DIAPH1: variants seen among roughly 807,000 people sequenced by gnomAD.
DIAPH1 encodes protein diaphanous homolog 1.
A neutral mutation model predicts 140.7 loss-of-function variants in DIAPH1; 46 were observed. The ratio of observed to expected loss-of-function variants is 0.33; its 90% CI spans 0.26 to 0.42. The LOEUF is 0.42. Among genes scored for constraint, DIAPH1 ranks in the 10% least tolerant of loss-of-function variants. The probability of loss-of-function intolerance (pLI) is 1.00; values close to 1 mark genes in which losing one functional copy is unlikely to be tolerated. For missense variants in DIAPH1, 1,310 were observed against 1,558.7 expected, an observed-to-expected ratio of 0.84 and a Z score of 2.69; for synonymous variants, 565 against 551.6, an observed-to-expected ratio of 1.02 and a Z score of -0.34.
intron 2 of DIAPH1, chr5:141,587,528 G>T: frequency 3.1e-6 from 1 of 317,668 alleles, no homozygotes; most frequent in Non-Finnish European, 5.9e-6. Context: ...TCATGACAGA[G>T]TTCTATCAAT....
intron 18 of DIAPH1, among the ~76,000 whole-genome samples, chr5:141,549,549 G>A (rs143349972): frequency 6.6e-6 from 1 of 152,212 alleles, no homozygotes; most frequent in African/African-American, 2.4e-5. Context: ...TAACTGACAT[G>A]TTAGAACAAT....
intron 18 of DIAPH1, among the ~76,000 whole-genome samples, chr5:141,537,943 G>A (rs2099889312): frequency 6.6e-6 from 1 of 152,182 alleles, no homozygotes; most frequent in African/African-American, 2.4e-5. Flanking sequence ...CCAGGCTGGA[G>A]TGCAGTGGCT....
At position 141,577,646 on chromosome 5, in the gene DIAPH1, G is replaced by A. The variant is rs1596383118; in HGVS notation, c.1164-55C>T. 5.1e-6 allele frequency: 6 copies of A among 1,169,000 alleles called. 1 individual carries two copies. In the South Asian group the frequency reaches 6.1e-5, roughly 12 times the overall value. The allele number at this position is 1,169,000 out of a possible 1,614,324, so 72.4% of individuals were successfully genotyped here. On this transcript the variant is annotated intron_variant, in intron 11 of 27. Transcript: ENST00000389054. Reference sequence around the variant, plus strand: ...AAATATGCAGAAATTATGTTTGACAGGTGGCTTATTTAACTCTTGAAAAAG... The same window carrying A: ...AAATATGCAGAAATTATGTTTGACAAGTGGCTTATTTAACTCTTGAAAAAG...
At chr5:141,535,672 T>G (rs2099888897) in intron 18 of DIAPH1, among the ~76,000 whole-genome samples, 1 of 152,224 alleles carries the variant, frequency 6.6e-6, no homozygotes, top group Admixed American at 6.5e-5. Flanking sequence ...ATGCTGGCTA[T>G]CCAAGGAGGG....
intron 14 of DIAPH1, among the ~76,000 whole-genome samples, chr5:141,575,488 A>G (rs953538632): frequency 2.6e-5 from 4 of 152,106 alleles, no homozygotes; most frequent in Non-Finnish European, 1.5e-5. Context: ...GCCTCTACCA[A>G]AAATACAAAA....
At chr5:141,540,019 A>AC (rs1298384735) in intron 18 of DIAPH1, among the ~76,000 whole-genome samples, 1 of 151,500 alleles carries the variant, frequency 6.6e-6, no homozygotes, top group East Asian at 1.9e-4. Flanking sequence ...AGGTTAGGTT[A>AC]TTGATTTGAG....
intron 18 of DIAPH1, among the ~76,000 whole-genome samples, chr5:141,538,314 C>T (rs2099889395): frequency 1.3e-5 from 2 of 151,716 alleles, no homozygotes; most frequent in Admixed American, 1.3e-4. Context: ...CCCGCCTCGG[C>T]CTCCCAAAGA....
intron 23 of DIAPH1, 97 bp downstream of exon 23, chr5:141,528,356 T>C (rs2099887704): frequency 7.7e-6 from 12 of 1,552,002 alleles, no homozygotes; most frequent in East Asian, 4.5e-5. Flanking sequence ...CCACTTGAAA[T>C]AGTCTGAACT....
At chr5:141,580,211 G>T (rs898637216) in intron 8 of DIAPH1, among the ~76,000 whole-genome samples, 10 of 152,120 alleles carry the variant, frequency 6.6e-5, no homozygotes, top group African/African-American at 2.4e-4. Flanking sequence ...AGTTTTATAG[G>T]CATAAGTGTC....
At chr5:141,590,893 G>C (rs2099898293) in intron 1 of DIAPH1, among the ~76,000 whole-genome samples, 2 of 151,924 alleles carry the variant, frequency 1.3e-5, no homozygotes, top group South Asian at 4.2e-4. Flanking sequence ...CCTCCTAACT[G>C]ATCTCCCTGC....
At chr5:141,522,578 C>CAAAA (rs5871776) in intron 27 of DIAPH1, among the ~76,000 whole-genome samples, 5 of 88,942 alleles carry the variant, frequency 5.6e-5, no homozygotes, top group East Asian at 3.0e-4. Context: ...CCGACGGGGT[C>CAAAA]AAAAAAAAAA....
chr5:141,554,540 T>C (rs1467211387), intron 18 of DIAPH1, among the ~76,000 whole-genome samples: 1 of 152,140 alleles, frequency 6.6e-6, no homozygotes, highest in Admixed American at 6.5e-5. Flanking sequence ...AGAATAGAAG[T>C]ATATTTTCTC....
intron 8 of DIAPH1, 61 bp from the exon 9 acceptor site, chr5:141,579,257 T>C: frequency 8.1e-7 from 1 of 1,239,470 alleles, no homozygotes; most frequent in Non-Finnish European, 1.2e-6. Flanking sequence ...ACACGTATAA[T>C]GAGTAAATTA....
chr5:141,573,409 T>C, intron 16 of DIAPH1, 83 bp downstream of exon 16: 1 of 1,505,468 alleles, frequency 6.6e-7, no homozygotes, highest in South Asian at 1.1e-5. Flanking sequence ...CACTCCAGCC[T>C]GGGCGACAGA....
chr5:141,603,567 T>G (rs1326377246), intron 1 of DIAPH1, among the ~76,000 whole-genome samples: 1 of 152,162 alleles, frequency 6.6e-6, no homozygotes, highest in Non-Finnish European at 1.5e-5. Flanking sequence ...CAAGCACAAG[T>G]TAGAAATGCC....
At chr5:141,552,779 G>A (rs969941048) in intron 18 of DIAPH1, among the ~76,000 whole-genome samples, 4 of 152,130 alleles carry the variant, frequency 2.6e-5, no homozygotes, top group South Asian at 2.1e-4. Flanking sequence ...CAAGGAATGC[G>A]CACACAGAAG....
chr5:141,609,496 A>C (rs1413874057), intron 1 of DIAPH1, among the ~76,000 whole-genome samples: 1 of 152,200 alleles, frequency 6.6e-6, no homozygotes, highest in African/African-American at 2.4e-5. Flanking sequence ...CTATGTCTTC[A>C]AGCAGGCTGC....
At chr5:141,581,518 T>C (rs1457548183) in intron 7 of DIAPH1, among the ~76,000 whole-genome samples, 2 of 152,236 alleles carry the variant, frequency 1.3e-5, no homozygotes, top group African/African-American at 4.8e-5. Context: ...GATTTATATG[T>C]TTCTTGTTAA....
intron 1 of DIAPH1, chr5:141,589,289 C>T (rs2099898003): frequency 6.6e-6 from 1 of 152,336 alleles, no homozygotes; most frequent in African/African-American, 2.4e-5. Context: ...GAGTGCCCTT[C>T]AGATGGATGT....
Sources: gnomAD v4.1 joint callset for allele counts (sites outside exome capture counted in the v4.1 genomes callset) on GRCh38, gnomAD v4.1.1 for gene constraint, MANE v1.5 for transcripts, NCBI Gene and HGNC (gene_info 2026-07-23, HGNC 2026-07-21) for gene names.